Variants in CHST3 observed in about 807,000 individuals in gnomAD.
The protein encoded by CHST3 is C6ST-1.
CHST3 carries 20 observed loss-of-function variants against 35.4 expected under a neutral mutation model. The observed-to-expected ratio is 0.57, with a 90% CI of 0.40 to 0.82. The LOEUF is 0.82. CHST3 is among the 40% of genes least tolerant of loss of function. CHST3 has a pLI of 0.00. For synonymous variants in CHST3, 334 were observed against 295.9 expected, an observed-to-expected ratio of 1.13 and a Z score of -1.32; for missense variants, 693 against 670.1, an observed-to-expected ratio of 1.03 and a Z score of -0.38.
At chr10:71,990,512 C>A (rs144113908) in intron 1 of CHST3, among the ~76,000 whole-genome samples, 1 of 152,138 alleles carries the variant, frequency 6.6e-6, no homozygotes, top group Admixed American at 6.5e-5. Context: ...TACAGGCATA[C>A]GCCTCCATGC....
At position 72,007,845 on chromosome 10, in the gene CHST3, C is replaced by G. The variant is rs1239523997; in HGVS notation, c.814C>G (p.Leu272Val). 1 of 1,604,800 alleles carries G rather than the reference C, an allele frequency of 6.2e-7. No homozygotes were observed. Among genetic ancestry groups the G allele is most frequent in the South Asian group, 1.1e-5 (1 of 90,694 alleles). Residue 272 changes from leucine (L) to valine (V), a missense_variant, in exon 3 of 3, where the codon CTC (leucine) becomes GTC (valine). Transcript: ENST00000373115. ...CTGCCGCCGCAAGGAGCACATGGCC[C>G]TCAAGGCGGTGCGCATCCGGCAGCT... ...EACRRKEHMA[L>V]KAVRIRQLEF...
rs532364295 is a variant in CHST3 at position 72,008,776 on chromosome 10, G to T, written c.*305G>T. On this transcript the variant is annotated 3_prime_UTR_variant, in exon 3 of 3. Coordinates refer to ENST00000373115, the MANE Select transcript of CHST3 (RefSeq NM_004273.5). Reference sequence around the variant, plus strand: ...CACACACACAGAAACATACATTCGTGCCTGGAGACCCTGCAGGCCAGAGTC... The same window carrying T: ...CACACACACAGAAACATACATTCGTTCCTGGAGACCCTGCAGGCCAGAGTC... The T allele has an allele frequency of 2.6e-5, 8 of 313,614 alleles. No homozygotes were observed. In the South Asian group the frequency reaches 6.2e-4, roughly 24 times the overall value. 19.4% of individuals were successfully genotyped at this position (313,614 alleles called of 1,614,324 possible).
chr10:72,006,147 G>A (rs200168316), intron 2 of CHST3, among the ~76,000 whole-genome samples, 165 bp downstream of exon 2: 1 of 152,140 alleles, frequency 6.6e-6, no homozygotes, highest in Non-Finnish European at 1.5e-5. Flanking sequence ...ACGTCCTCAT[G>A]ACTGCACAGG....
chr10:71,975,575 C>A (rs535770745), intron 1 of CHST3, among the ~76,000 whole-genome samples: 1 of 152,240 alleles, frequency 6.6e-6, no homozygotes, highest in Non-Finnish European at 1.5e-5. Context: ...CCCACCCATG[C>A]GGCTGTTTGG....
chr10:71,987,057 G>T (rs1295147567), intron 1 of CHST3, among the ~76,000 whole-genome samples: 2 of 152,196 alleles, frequency 1.3e-5, no homozygotes, highest in Non-Finnish European at 2.9e-5. Context: ...CCAACGCTCA[G>T]AGCAGTTAGA....
At chr10:72,005,378 G>A (rs1055998221) in intron 1 of CHST3, among the ~76,000 whole-genome samples, 1 of 151,878 alleles carries the variant, frequency 6.6e-6, no homozygotes, top group East Asian at 1.9e-4. Context: ...TATTCTTTGT[G>A]GCCACATAAA....
At chr10:71,969,694 G>T (rs1183491470) in intron 1 of CHST3, among the ~76,000 whole-genome samples, 1 of 152,218 alleles carries the variant, frequency 6.6e-6, no homozygotes, top group Non-Finnish European at 1.5e-5. Context: ...TGGGTGTGGG[G>T]AGAAGCCACC....
chr10:71,994,062 T>A (rs2131758413), intron 1 of CHST3, among the ~76,000 whole-genome samples: 1 of 152,210 alleles, frequency 6.6e-6, no homozygotes, highest in East Asian at 1.9e-4. Flanking sequence ...ATCACGCCAC[T>A]ATACTCCAGC....
At chr10:71,966,809 A>C (rs1839636137) in intron 1 of CHST3, among the ~76,000 whole-genome samples, 1 of 152,250 alleles carries the variant, frequency 6.6e-6, no homozygotes, top group Non-Finnish European at 1.5e-5. Flanking sequence ...TGAGGACCAG[A>C]AAAGTTAAGT....
In CHST3 at chr10:72,011,474, T is replaced by C. The variant is rs1288614172; in HGVS notation, c.*3003T>C. ...ACCCATGTGGATATGATTTTCAGCTTGGAGCTGGGATGGAGAAGATGGAAG... is the reference window on the plus strand; with the variant it reads ...ACCCATGTGGATATGATTTTCAGCTCGGAGCTGGGATGGAGAAGATGGAAG... On this transcript the variant is annotated 3_prime_UTR_variant, in exon 3 of 3. Transcript: ENST00000373115. 6.6e-6 allele frequency: 1 copy of C among 152,264 alleles called. No individual in the cohort carries two copies. The highest frequency in any genetic ancestry group is 1.5e-5 in the Non-Finnish European group (1 of 68,082). The allele number at this position is 152,264 out of a possible 1,614,324, so 9.4% of individuals were successfully genotyped here.
chr10:71,987,326 C>A (rs1839858007), intron 1 of CHST3, among the ~76,000 whole-genome samples: 1 of 151,946 alleles, frequency 6.6e-6, no homozygotes, highest in African/African-American at 2.4e-5. Flanking sequence ...TTCCTCCTTT[C>A]ATCACAGGAA....
chr10:72,000,630 G>A (rs1839984232), intron 1 of CHST3, among the ~76,000 whole-genome samples: 2 of 152,170 alleles, frequency 1.3e-5, no homozygotes, highest in Admixed American at 6.5e-5. Context: ...AGGTGGGAAG[G>A]GTGAGCAGGG....
chr10:71,965,730 T>A (rs1353562324), intron 1 of CHST3, among the ~76,000 whole-genome samples: 3 of 152,212 alleles, frequency 2.0e-5, no homozygotes, highest in African/African-American at 7.2e-5. Flanking sequence ...CCGGTAATTA[T>A]CATTCATTAT....
rs774773819 is a variant in CHST3 at position 72,012,627 on chromosome 10, A to T, written c.*4156A>T. ...ACCTGAGGCAAGGAGAGCTAAGGGG[A>T]GAGAAATTGGGGCTGAGTGGAAGCA... On this transcript the variant is annotated 3_prime_UTR_variant, in exon 3 of 3. Transcript: ENST00000373115. 6 of 152,606 alleles carry T rather than the reference A, an allele frequency of 3.9e-5. No homozygotes were observed. The highest frequency in any genetic ancestry group is 8.8e-5 in the Non-Finnish European group (6 of 68,366). The allele number at this position is 152,606 out of a possible 1,614,324, so 9.5% of individuals were successfully genotyped here. A position where few individuals can be genotyped will look rare whatever the true frequency, so the allele number is the denominator to read the frequency against.
rs770159255 is a variant in CHST3 at position 72,007,952 on chromosome 10, G to A, written c.921G>A (p.Leu307=). The part of the protein sequence containing the change: ...IQLVRDPRAV[L]ASRMVAFAGK... ...TGGTGCGCGACCCCCGGGCCGTGCT[G>A]GCCTCGCGCATGGTGGCCTTCGCCG... The change falls in exon 3 of 3, where the codon CTG becomes CTA. Residue 307 remains leucine (L), a synonymous_variant. Transcript: ENST00000373115. The A allele has an allele frequency of 1.9e-6, 3 of 1,549,574 alleles. No homozygotes were observed. Among genetic ancestry groups the A allele is most frequent in the Non-Finnish European group, 2.6e-6 (3 of 1,146,690 alleles).
intron 1 of CHST3, among the ~76,000 whole-genome samples, chr10:71,973,269 G>A (rs1198071858): frequency 3.3e-5 from 5 of 152,188 alleles, no homozygotes; most frequent in African/African-American, 7.2e-5. Flanking sequence ...CTGAGGATGA[G>A]CCTGAAACCC....
intron 1 of CHST3, among the ~76,000 whole-genome samples, chr10:71,978,155 T>C (rs12258400): frequency 0.51 from 77,613 of 151,910 alleles, 20,503 homozygotes; most frequent in Non-Finnish European, 0.58. Context: ...CCAAGGTGGG[T>C]GGATCACTTG....
At chr10:71,984,407 T>C (rs10400130) in intron 1 of CHST3, among the ~76,000 whole-genome samples, 8,547 of 152,218 alleles carry the variant, frequency 0.056, 704 homozygotes, top group African/African-American at 0.19. Context: ...CTTCCTTGCT[T>C]TGTGCGTTTT....
intron 1 of CHST3, among the ~76,000 whole-genome samples, chr10:71,979,679 T>TA (rs1839782474): frequency 6.6e-6 from 1 of 152,250 alleles, no homozygotes; most frequent in African/African-American, 2.4e-5. Flanking sequence ...GAAGTGACTT[T>TA]ATTGTTTTTA....
Sources: allele counts gnomAD v4.1 joint callset (sites outside exome capture counted in the v4.1 genomes callset), GRCh38; gene constraint gnomAD v4.1.1; transcripts MANE v1.5; gene names NCBI Gene and HGNC (gene_info 2026-07-23, HGNC 2026-07-21).